Variants in STON1 observed in about 807,000 individuals in gnomAD.
STON1 encodes the protein stonin 1, also known as stonin-1.
In STON1, 79 loss-of-function variants were observed where a neutral mutation model predicts 60.9. The observed-to-expected ratio is 1.30, with a 90% CI of 1.08 to 1.56. The LOEUF is 1.56. STON1 is among the 40% of genes most tolerant of loss of function. The probability of loss-of-function intolerance (pLI) is 0.00; values close to 1 mark genes in which losing one functional copy is unlikely to be tolerated. For synonymous variants in STON1, 363 were observed against 306.9 expected, an observed-to-expected ratio of 1.18 and a Z score of -1.91; for missense variants, 1,166 against 858.9, an observed-to-expected ratio of 1.36 and a Z score of -4.47.
In STON1 at chr2:48,597,553, C is replaced by A. The variant is rs1248367157; in HGVS notation, c.*2251C>A. 6.6e-6 allele frequency: 1 copy of A among 152,414 alleles called. No homozygotes were observed. The highest frequency in any genetic ancestry group is 1.9e-4 in the East Asian group (1 of 5,190). 9.4% of individuals were successfully genotyped at this position (152,414 alleles called of 1,614,324 possible). A position where few individuals can be genotyped will look rare whatever the true frequency, so the allele number is the denominator to read the frequency against. On this transcript the variant is annotated 3_prime_UTR_variant, in exon 4 of 4. Transcript: ENST00000404752. ...ACAGGTTGACTAGTATCTGTGGGTA[C>A]CTCCCTGCCCAGGTTATTCACTCAC...
intron 1 of STON1, among the ~76,000 whole-genome samples, chr2:48,566,763 A>G (rs1361731985): frequency 6.6e-6 from 1 of 152,192 alleles, no homozygotes; most frequent in Non-Finnish European, 1.5e-5. Context: ...TCAGGCATTG[A>G]TTGAAACAAA....
intron 2 of STON1, among the ~76,000 whole-genome samples, chr2:48,588,549 C>A (rs139272380): frequency 7.1e-4 from 108 of 152,224 alleles, no homozygotes; most frequent in African/African-American, 2.6e-3. Context: ...TGAGGTTTTG[C>A]CGTGTTGCTC....
chr2:48,584,776 G>A (rs1674107377), intron 2 of STON1, among the ~76,000 whole-genome samples: 1 of 152,134 alleles, frequency 6.6e-6, no homozygotes, highest in African/African-American at 2.4e-5. Context: ...AGAACCAGAA[G>A]AACAAGCCCC....
At chr2:48,577,994 T>G (rs1004536505) in intron 1 of STON1, among the ~76,000 whole-genome samples, 12 of 152,100 alleles carry the variant, frequency 7.9e-5, no homozygotes, top group Non-Finnish European at 5.9e-5. Context: ...ATCTATTTTT[T>G]TTTTGAGACG....
Position 48,530,185 on chromosome 2 carries a change from C to A in STON1, c.-79C>A, listed in dbSNP as rs1333579038. 1 of 399,026 alleles carries A rather than the reference C, an allele frequency of 2.5e-6. No homozygotes were observed. Among genetic ancestry groups the A allele is most frequent in the Non-Finnish European group, 4.9e-6 (1 of 202,470 alleles). 24.7% of individuals were successfully genotyped at this position (399,026 alleles called of 1,614,324 possible). On this transcript the variant is annotated 5_prime_UTR_variant, in exon 1 of 4. Transcript: ENST00000404752. Reference sequence around the variant, plus strand: ...CTCCGCCTCCTGGTGTGGCTGGCTGCGGCCAGAATCGGAGCCCCAACCGCG... The same window carrying A: ...CTCCGCCTCCTGGTGTGGCTGGCTGAGGCCAGAATCGGAGCCCCAACCGCG...
intron 2 of STON1, among the ~76,000 whole-genome samples, chr2:48,589,115 C>T (rs1674373824): frequency 6.6e-6 from 1 of 152,026 alleles, no homozygotes; most frequent in South Asian, 2.1e-4. Context: ...TCTAACTTCC[C>T]AATTTTTCGA....
At chr2:48,576,724 GT>G (rs1415008889) in intron 1 of STON1, among the ~76,000 whole-genome samples, 1 of 151,994 alleles carries the variant, frequency 6.6e-6, no homozygotes, top group Non-Finnish European at 1.5e-5. Context: ...AGTTTATTGA[GT>G]TCCTTATATG....
chr2:48,558,574 T>C (rs1288599273), intron 1 of STON1, among the ~76,000 whole-genome samples: 1 of 152,222 alleles, frequency 6.6e-6, no homozygotes, highest in Non-Finnish European at 1.5e-5. Context: ...ACAGTGTGTG[T>C]AATTGGATTT....
At chr2:48,574,983 A>G (rs1022712872) in intron 1 of STON1, among the ~76,000 whole-genome samples, 22 of 152,244 alleles carry the variant, frequency 1.4e-4, no homozygotes, top group African/African-American at 5.1e-4. Context: ...CATCTTACAT[A>G]ACTGAAACTA....
chr2:48,542,168 C>T (rs1671682072), intron 1 of STON1, among the ~76,000 whole-genome samples: 2 of 152,236 alleles, frequency 1.3e-5, no homozygotes, highest in African/African-American at 4.8e-5. Context: ...TTACTTGTGG[C>T]TGATTCCATC....
At chr2:48,571,743 G>A (rs1186250359) in intron 1 of STON1, among the ~76,000 whole-genome samples, 4 of 152,210 alleles carry the variant, frequency 2.6e-5, no homozygotes, top group African/African-American at 9.6e-5. Flanking sequence ...AGAAGGTGCT[G>A]CATGAAATTG....
At chr2:48,570,370 A>G (rs1673140623) in intron 1 of STON1, among the ~76,000 whole-genome samples, 1 of 152,142 alleles carries the variant, frequency 6.6e-6, no homozygotes, top group African/African-American at 2.4e-5. Flanking sequence ...ATGATTTCTT[A>G]AGTGGGAGAA....
rs1674829673 is a variant in STON1 at position 48,597,435 on chromosome 2, A to G, written c.*2133A>G. 1 of 152,202 alleles carries G rather than the reference A, an allele frequency of 6.6e-6. No homozygotes were observed. The allele number at this position is 152,202 out of a possible 1,614,324, so 9.4% of individuals were successfully genotyped here. ...TGTGTTTTATGGCATCCTGCCCACA[A>G]AGAACTCACAGTCTGATTAGGATGA... On this transcript the variant is annotated 3_prime_UTR_variant, in exon 4 of 4. Transcript: ENST00000404752.
In STON1 at chr2:48,580,834, AGATTTTTATTTCAGTCCAG is replaced by A; in HGVS notation, c.204_222del (p.Phe69LeufsTer75). ...GCACTCCTCTCTCCTCCCCCATTGT[AGATTTTTATTTCAGTCCAG>A]GACCTCCAAGTAACTCTCCTCTTTC... On this transcript the variant is annotated frameshift_variant, in exon 2 of 4. Coordinates refer to ENST00000404752, the MANE Select transcript of STON1 (RefSeq NM_006873.4). LOFTEE classifies it high-confidence loss of function. 1 of 1,546,716 alleles carries A rather than the reference AGATTTTTATTTCAGTCCAG, an allele frequency of 6.5e-7. No individual in the cohort carries two copies. The highest frequency in any genetic ancestry group is 2.3e-5 in the East Asian group (1 of 43,456).
chr2:48,552,745 G>A (rs142073245), intron 1 of STON1, among the ~76,000 whole-genome samples: 4 of 152,230 alleles, frequency 2.6e-5, no homozygotes, highest in African/African-American at 7.2e-5. Context: ...ACTCCAGCCT[G>A]GGCAACAGAG....
At chr2:48,538,810 G>C (rs1314899291) in intron 1 of STON1, among the ~76,000 whole-genome samples, 11 of 127,042 alleles carry the variant, frequency 8.7e-5, no homozygotes. Flanking sequence ...TAGAGATGCA[G>C]TTTTGCCATG....
Position 48,580,876 on chromosome 2 carries a change from T to A in STON1, c.243T>A (p.Leu81=). 1 of 1,585,090 alleles carries A rather than the reference T, an allele frequency of 6.3e-7. No homozygotes were observed. Among genetic ancestry groups the A allele is most frequent in the Non-Finnish European group, 8.6e-7 (1 of 1,168,124 alleles). ...FSPGPPSNSP[L]STPTKDFPGF... ...CAGGACCTCCAAGTAACTCTCCTCT[T>A]TCTACACCTACCAAAGACTTCCCAG... is the stretch of plus-strand genomic sequence containing the variant. The change falls in exon 2 of 4, where the codon CTT becomes CTA. Residue 81 remains leucine, a synonymous_variant. Coordinates refer to ENST00000404752, the MANE Select transcript of STON1 (RefSeq NM_006873.4).
chr2:48,580,097 A>G (rs1246670485), intron 1 of STON1, among the ~76,000 whole-genome samples: 1 of 152,014 alleles, frequency 6.6e-6, no homozygotes, highest in African/African-American at 2.4e-5. Context: ...TTGTAGAGAC[A>G]GGGTTTTGCT....
intron 1 of STON1, among the ~76,000 whole-genome samples, chr2:48,535,532 A>T (rs866527520): frequency 6.6e-6 from 1 of 152,200 alleles, no homozygotes; most frequent in Non-Finnish European, 1.5e-5. Context: ...GGCCCATCAC[A>T]TAACAAACAT....
Sources: gnomAD v4.1 joint callset for allele counts (sites outside exome capture counted in the v4.1 genomes callset) on GRCh38, gnomAD v4.1.1 for gene constraint, MANE v1.5 for transcripts, NCBI Gene and HGNC (gene_info 2026-07-23, HGNC 2026-07-21) for gene names.